The following RGS13 variants were observed in gnomAD, a reference collection of about 807,000 sequenced individuals.
RGS13 encodes regulator of G-protein signalling 13.
In RGS13, 14 loss-of-function variants were observed where a neutral mutation model predicts 19.9. That is an observed-to-expected ratio of 0.70 (90% CI 0.46 to 1.10). The LOEUF (loss-of-function observed/expected upper bound fraction) is 1.10. RGS13 is among the 50% of genes least tolerant of loss of function. The pLI, the probability that RGS13 is intolerant of heterozygous loss-of-function variation, is 0.00. For missense variants in RGS13, 205 were observed against 187.1 expected (o/e 1.10, Z -0.56); for synonymous variants, 60 against 56.8 (o/e 1.06, Z -0.25).
chr1:192,651,921 G>C (rs1410764541), intron 5 of RGS13, among the ~76,000 whole-genome samples: 2 of 151,968 alleles, frequency 1.3e-5, no homozygotes, highest in Non-Finnish European at 2.9e-5. Flanking sequence ...TGGTTGACTG[G>C]GCAGTGTTGA....
intron 3 of RGS13, among the ~76,000 whole-genome samples, chr1:192,640,263 A>T (rs187285460): frequency 1.3e-5 from 2 of 152,308 alleles, no homozygotes; most frequent in Non-Finnish European, 1.5e-5. Flanking sequence ...TGAAACTCGA[A>T]CTAAGTAGCT....
chr1:192,642,903 C>T (rs961886861), intron 3 of RGS13, among the ~76,000 whole-genome samples: 5 of 151,912 alleles, frequency 3.3e-5, no homozygotes, highest in African/African-American at 4.8e-5. Flanking sequence ...TCTGTTGCCC[C>T]AGCTACAGCA....
chr1:192,645,951 T>A (rs1663213189), intron 4 of RGS13: 1 of 152,196 alleles, frequency 6.6e-6, no homozygotes, highest in South Asian at 2.1e-4. Flanking sequence ...GTAGATTTTA[T>A]TCTTCCCTAT....
intron 4 of RGS13, chr1:192,645,995 A>G (rs1663214281): frequency 6.6e-6 from 1 of 152,310 alleles, no homozygotes; most frequent in African/African-American, 2.4e-5. Context: ...CAGGCATTCA[A>G]TAAACCTTGC....
At position 192,644,520 on chromosome 1, in the gene RGS13, C is replaced by T. The variant is rs1663181894; in HGVS notation, c.65+121C>T. ...GTTCAGAAAGTAAAATTTGCATTTA[C>T]ACGTGAGTCATTTCATCAGAAGAGC... is the stretch of plus-strand genomic sequence containing the variant. On this transcript the variant is annotated intron_variant, in intron 4 of 6. Transcript: ENST00000391995. The T allele has an allele frequency of 1.8e-5, 13 of 726,862 alleles. No homozygotes were observed. The South Asian group carries it at 2.2e-4, about 12-fold the overall frequency. 45.0% of individuals were successfully genotyped at this position (726,862 alleles called of 1,614,324 possible).
intron 1 of RGS13, among the ~76,000 whole-genome samples, chr1:192,637,214 T>C (rs898740762): frequency 4.6e-5 from 7 of 151,874 alleles, no homozygotes; most frequent in Admixed American, 6.6e-5. Context: ...AGACCTAAAC[T>C]TGTTCTAAAC....
At chr1:192,644,743 A>C (rs769788057) in intron 4 of RGS13, 1 of 174,118 alleles carries the variant, frequency 5.7e-6, no homozygotes, top group Non-Finnish European at 1.2e-5. Flanking sequence ...AGTGCCAGAA[A>C]GCTTCATCCC....
At chr1:192,658,093 G>C in intron 5 of RGS13, 108 bp from the exon 6 acceptor site, 1 of 705,124 alleles carries the variant, frequency 1.4e-6, no homozygotes, top group Non-Finnish European at 2.4e-6. Context: ...ATATTTACTT[G>C]TTAAATAATT....
At chr1:192,647,103 C>A (rs1663237020) in intron 4 of RGS13, 2 of 152,248 alleles carry the variant, frequency 1.3e-5, no homozygotes, top group Middle Eastern at 6.8e-3. Context: ...GGGTTACTAA[C>A]TGTATTACAT....
chr1:192,647,767 T>C (rs1053402720), intron 4 of RGS13, 159 bp from the exon 5 acceptor site: 16 of 341,770 alleles, frequency 4.7e-5, no homozygotes, highest in East Asian at 9.5e-5. Context: ...AAAAATAAAA[T>C]GTAAAATATC....
At chr1:192,647,069 G>A (rs1220139834) in intron 4 of RGS13, 1 of 152,152 alleles carries the variant, frequency 6.6e-6, no homozygotes, top group Non-Finnish European at 1.5e-5. Flanking sequence ...TAGCAAGTAG[G>A]AGACTGAGAA....
At chr1:192,651,793 C>T (rs946700029) in intron 5 of RGS13, among the ~76,000 whole-genome samples, 2 of 151,972 alleles carry the variant, frequency 1.3e-5, no homozygotes, top group African/African-American at 4.8e-5. Flanking sequence ...AAGTTTGAGG[C>T]AAGGTCGCCA....
chr1:192,657,100 A>G (rs768875226), intron 5 of RGS13, among the ~76,000 whole-genome samples: 8 of 152,068 alleles, frequency 5.3e-5, no homozygotes, highest in Non-Finnish European at 7.4e-5. Context: ...TTGGGTGTAT[A>G]CTTATCTCCA....
At chr1:192,653,373 G>A (rs1237765322) in intron 5 of RGS13, among the ~76,000 whole-genome samples, 1 of 152,044 alleles carries the variant, frequency 6.6e-6, no homozygotes, top group Non-Finnish European at 1.5e-5. Flanking sequence ...CACTGCCATT[G>A]GGAATGAAAA....
chr1:192,651,471 T>TC (rs143973023), intron 5 of RGS13, among the ~76,000 whole-genome samples: 26,240 of 152,062 alleles, frequency 0.17, 5,668 homozygotes, highest in African/African-American at 0.51. Flanking sequence ...TAGTTGTTAC[T>TC]AGTTATATTT....
chr1:192,637,486 A>C (rs1236859828), intron 1 of RGS13, 104 bp from the exon 2 acceptor site: 1 of 151,984 alleles, frequency 6.6e-6, no homozygotes, highest in African/African-American at 2.4e-5. Context: ...TATTTACTTA[A>C]AACTTAAGAG....
rs540635478 is a variant in RGS13 at position 192,650,065 on chromosome 1, T to C, written c.127+2078T>C. 1.0e-3 allele frequency among the ~76,000 whole-genome samples: 158 copies of C among 152,140 alleles called. 2 individuals are homozygous for C. The highest frequency in any genetic ancestry group is 3.7e-3 in the African/African-American group (154 of 41,548). On this transcript the variant is annotated intron_variant, in intron 5 of 6. Transcript: ENST00000391995. ...ACAAGAAAAATATTAGTGAGAAAAG[T>C]TCAAAACACCAAGCTATATTATGTA...
intron 4 of RGS13, chr1:192,647,222 A>G (rs1663238588): frequency 6.6e-6 from 1 of 152,158 alleles, no homozygotes; most frequent in Non-Finnish European, 1.5e-5. Flanking sequence ...TTTAAAAGCA[A>G]TTTGGCAGTC....
chr1:192,659,284 G>C, intron 6 of RGS13, 54 bp from the exon 7 acceptor site: 1 of 1,338,162 alleles, frequency 7.5e-7, no homozygotes, highest in Non-Finnish European at 1.0e-6. Context: ...TACTATATGT[G>C]CCTTTTTTTC....
Sources: allele counts gnomAD v4.1 joint callset (sites outside exome capture counted in the v4.1 genomes callset), GRCh38; gene constraint gnomAD v4.1.1; transcripts MANE v1.5; gene names NCBI Gene and HGNC (gene_info 2026-07-23, HGNC 2026-07-21).